Variants in CCDC171 observed in about 807,000 individuals in gnomAD.
CCDC171 encodes the protein coiled-coil domain-containing protein 171.
A neutral mutation model predicts 168.2 loss-of-function variants in CCDC171; 177 were observed. The ratio of observed to expected loss-of-function variants is 1.05; its 90% CI spans 0.93 to 1.19. The LOEUF (loss-of-function observed/expected upper bound fraction) is 1.19, where lower values mean the gene tolerates loss of function less well. CCDC171 is among the 50% of genes most tolerant of loss of function. The pLI is 0.00. For missense variants in CCDC171, 1,991 were observed against 1,539.0 expected (o/e 1.29, Z -4.91); for synonymous variants, 687 against 540.8 (o/e 1.27, Z -3.75).
chr9:15,655,319 A>C (rs74521224), intron 7 of CCDC171, among the ~76,000 whole-genome samples: 2,794 of 152,270 alleles, frequency 0.018, 151 homozygotes, highest in Admixed American at 0.11. Context: ...CCCCATTGAC[A>C]GATAGGACTC....
chr9:15,795,351 C>T (rs370690516), intron 21 of CCDC171, among the ~76,000 whole-genome samples: 22 of 152,144 alleles, frequency 1.4e-4, no homozygotes, highest in Non-Finnish European at 2.6e-4. Flanking sequence ...TCTTAAAGGT[C>T]TCACCTCTCA....
In CCDC171 at chr9:15,623,426, A is replaced by C. The variant is rs754841341; in HGVS notation, c.822+13A>C. 2 of 1,565,400 alleles carry C rather than the reference A, an allele frequency of 1.3e-6. No homozygotes were observed. The highest frequency in any genetic ancestry group is 4.9e-5 in the East Asian group (2 of 40,656). The stretch of plus-strand genomic sequence containing the variant: ...AAAAGAATTTGAGGTACATTTTCTC[A>C]TTCCTTTATAATATATATGCGTACA... On this transcript the variant is annotated intron_variant, in intron 7 of 25. Transcript: ENST00000380701.
At chr9:15,632,395 A>G (rs888782054) in intron 7 of CCDC171, among the ~76,000 whole-genome samples, 1 of 152,008 alleles carries the variant, frequency 6.6e-6, no homozygotes, top group African/African-American at 2.4e-5. Flanking sequence ...ACAGAGAGCC[A>G]AATAATGAGT....
intron 8 of CCDC171, 145 bp from the exon 9 acceptor site, chr9:15,666,018 A>G: frequency 1.6e-6 from 1 of 639,634 alleles, no homozygotes. Flanking sequence ...ACTGTCTTTT[A>G]TTTATTTTTC....
chr9:15,893,910 C>G (rs745428610), intron 24 of CCDC171, among the ~76,000 whole-genome samples: 1 of 152,152 alleles, frequency 6.6e-6, no homozygotes, highest in Non-Finnish European at 1.5e-5. Flanking sequence ...TTTGACCCAG[C>G]AATCCCATTA....
At chr9:16,023,024 A>T (rs1475814292) in intron 6 of CCDC171, 3 of 152,118 alleles carry the variant, frequency 2.0e-5, no homozygotes, top group Non-Finnish European at 4.4e-5. Context: ...ATGCCACAGA[A>T]CCCAAGTTCT....
intron 21 of CCDC171, among the ~76,000 whole-genome samples, chr9:15,839,539 A>G (rs1563846041): frequency 6.6e-6 from 1 of 152,206 alleles, no homozygotes; most frequent in Non-Finnish European, 1.5e-5. Flanking sequence ...GAATGGTAAT[A>G]CTATATACCT....
At chr9:15,778,366 C>T (rs367668584) in intron 19 of CCDC171, among the ~76,000 whole-genome samples, 62 of 133,700 alleles carry the variant, frequency 4.6e-4, no homozygotes, top group African/African-American at 1.6e-3. Flanking sequence ...TGGCCAGGCG[C>T]GGTGGCTGAT....
chr9:15,563,482 G>C (rs2039480616), intron 1 of CCDC171, among the ~76,000 whole-genome samples: 1 of 152,048 alleles, frequency 6.6e-6, no homozygotes, highest in African/African-American at 2.4e-5. Context: ...GTAGAAAAAT[G>C]GGATAATCCT....
chr9:15,689,476 C>T (rs935895778), intron 10 of CCDC171, among the ~76,000 whole-genome samples: 4 of 152,062 alleles, frequency 2.6e-5, no homozygotes, highest in African/African-American at 7.2e-5. Context: ...TTTGGGAAGC[C>T]GAGGCGGGCA....
intron 10 of CCDC171, among the ~76,000 whole-genome samples, chr9:15,693,665 G>A (rs1427996804): frequency 6.6e-6 from 1 of 152,184 alleles, no homozygotes; most frequent in Non-Finnish European, 1.5e-5. Context: ...GAGCTGACAT[G>A]TAAACAAACA....
chr9:16,062,851 T>A (rs995981131), downstream of CCDC171, among the ~76,000 whole-genome samples: 1 of 152,178 alleles, frequency 6.6e-6, no homozygotes, highest in African/African-American at 2.4e-5. Context: ...AGGATGGAGT[T>A]CCAGGTGACA....
At chr9:16,097,408 T>C in the CCDC171 span, among the ~76,000 whole-genome samples, 1 of 152,208 alleles carries the variant, frequency 6.6e-6, no homozygotes, top group Non-Finnish European at 1.5e-5. Context: ...TTTGAAGGCC[T>C]ACTCATTGTC....
intron 7 of CCDC171, among the ~76,000 whole-genome samples, chr9:15,645,282 T>A (rs931940598): frequency 1.3e-5 from 2 of 151,938 alleles, no homozygotes; most frequent in African/African-American, 4.8e-5. Flanking sequence ...ACCACAAAGA[T>A]GGGGAAAAAA....
chr9:15,982,461 A>C (rs1831830491), intron 3 of CCDC171, among the ~76,000 whole-genome samples: 1 of 152,124 alleles, frequency 6.6e-6, no homozygotes. Context: ...CACAGTAGTT[A>C]CTGTCTCGGA....
At chr9:15,676,016 A>G (rs867101419) in intron 9 of CCDC171, among the ~76,000 whole-genome samples, 1 of 152,166 alleles carries the variant, frequency 6.6e-6, no homozygotes, top group Non-Finnish European at 1.5e-5. Flanking sequence ...CACCAATCAA[A>G]TGCAGGTTTG....
At chr9:15,661,052 G>A (rs913880459) in intron 8 of CCDC171, among the ~76,000 whole-genome samples, 12 of 152,214 alleles carry the variant, frequency 7.9e-5, no homozygotes, top group South Asian at 4.1e-4. Flanking sequence ...AGGCCGAGGC[G>A]GGTGGATCAT....
intron 21 of CCDC171, among the ~76,000 whole-genome samples, chr9:15,789,082 A>AG (rs928107468): frequency 1.3e-5 from 2 of 152,166 alleles, no homozygotes; most frequent in African/African-American, 4.8e-5. Context: ...CACCGTGAGT[A>AG]GTTGCTAGGT....
At chr9:15,745,763 T>C in intron 18 of CCDC171, 132 bp downstream of exon 18, 2 of 506,240 alleles carry the variant, frequency 4.0e-6, no homozygotes, top group Admixed American at 3.4e-5. Context: ...TATTCAGTCA[T>C]AGAGAGATTG....
Sources: gnomAD v4.1 joint callset for allele counts (sites outside exome capture counted in the v4.1 genomes callset) on GRCh38, gnomAD v4.1.1 for gene constraint, MANE v1.5 for transcripts, NCBI Gene and HGNC (gene_info 2026-07-23, HGNC 2026-07-21) for gene names.